The following SDHB variants were observed in gnomAD, a reference collection of about 807,000 sequenced individuals.
SDHB encodes succinate dehydrogenase [ubiquinone] iron-sulfur subunit, mitochondrial.
SDHB carries 21 observed loss-of-function variants against 39.7 expected under a neutral mutation model. The ratio of observed to expected loss-of-function variants is 0.53; its 90% confidence interval spans 0.37 to 0.76. SDHB has a LOEUF of 0.76. SDHB is among the 30% of genes least tolerant of loss of function. The probability of loss-of-function intolerance (pLI) is 0.00; values close to 1 mark genes in which losing one functional copy is unlikely to be tolerated. For missense variants in SDHB, 343 were observed against 350.9 expected (o/e 0.98, Z 0.18); for synonymous variants, 118 against 117.0 (o/e 1.01, Z -0.06).
chr1:17,045,955 C>T (rs1194372348), intron 1 of SDHB, among the ~76,000 whole-genome samples: 2 of 152,142 alleles, frequency 1.3e-5, no homozygotes, highest in African/African-American at 4.8e-5. Context: ...TCTATGCTTT[C>T]GTCTTCTGTT....
chr1:17,051,698 G>A (rs914800754), intron 1 of SDHB, among the ~76,000 whole-genome samples: 2 of 150,328 alleles, frequency 1.3e-5, no homozygotes, highest in African/African-American at 2.5e-5. Flanking sequence ...TAACCCGGGG[G>A]AGGGGGGGTC....
chr1:17,030,596 A>G (rs148643364), intron 3 of SDHB, among the ~76,000 whole-genome samples: 274 of 152,274 alleles, frequency 1.8e-3, no homozygotes, highest in African/African-American at 6.4e-3. Flanking sequence ...TATGTACTCT[A>G]AACCTCTAGT....
intron 1 of SDHB, among the ~76,000 whole-genome samples, chr1:17,052,640 G>A (rs2078155234): frequency 1.3e-5 from 2 of 152,330 alleles, no homozygotes; most frequent in South Asian, 4.1e-4. Context: ...CTGAGAGGAT[G>A]TCAGCTTGAG....
chr1:17,027,052 G>A (rs1327667123), intron 5 of SDHB, among the ~76,000 whole-genome samples: 1 of 152,214 alleles, frequency 6.6e-6, no homozygotes, highest in Non-Finnish European at 1.5e-5. Context: ...CCTTGGCCCT[G>A]TGCAGACCTG....
At chr1:17,049,373 C>T (rs1235661429) in intron 1 of SDHB, among the ~76,000 whole-genome samples, 5 of 151,686 alleles carry the variant, frequency 3.3e-5, no homozygotes, top group African/African-American at 1.2e-4. Flanking sequence ...TCTTGGATCG[C>T]TGCAACCTCC....
Position 17,028,535 on chromosome 1 carries a change from C to A in SDHB, c.423+65G>T, listed in dbSNP as rs78924859. On this transcript the variant is annotated intron_variant, in intron 4 of 7. Transcript: ENST00000375499. ...AAATCCTGCCCTGAAAAACTAATAGCGTAACACACATAGCACTGCCCCCCA... is the reference window on the plus strand; with the variant it reads ...AAATCCTGCCCTGAAAAACTAATAGAGTAACACACATAGCACTGCCCCCCA... 1.9e-6 allele frequency: 3 copies of A among 1,559,160 alleles called. No homozygotes were observed. The African/African-American group carries it at 4.1e-5, about 21-fold the overall frequency.
chr1:17,045,105 T>G (rs1432932875), intron 1 of SDHB: 4 of 550,098 alleles, frequency 7.3e-6, no homozygotes, highest in Non-Finnish European at 1.3e-5. Flanking sequence ...GACACAGCAC[T>G]TAATACACAA....
chr1:17,042,442 C>T (rs1483468887), intron 2 of SDHB, among the ~76,000 whole-genome samples: 2 of 152,042 alleles, frequency 1.3e-5, no homozygotes, highest in African/African-American at 4.8e-5. Flanking sequence ...TGTGACAAAA[C>T]TGGAAGTAAA....
At chr1:17,048,105 T>C (rs1570960059) in intron 1 of SDHB, among the ~76,000 whole-genome samples, 1 of 152,208 alleles carries the variant, frequency 6.6e-6, no homozygotes, top group Admixed American at 6.5e-5. Flanking sequence ...ATCACTAACA[T>C]TGCCCTTTTA....
At chr1:17,044,325 ATTT>A (rs1234004492) in intron 2 of SDHB, among the ~76,000 whole-genome samples, 1 of 141,008 alleles carries the variant, frequency 7.1e-6, no homozygotes, top group Non-Finnish European at 1.6e-5. Context: ...TAACAACCTC[ATTT>A]TTTTTTTTTT....
chr1:17,028,680 G>A lies in SDHB; in HGVS notation c.343C>T (p.Arg115Ter), dbSNP rs751000085. The part of the protein sequence containing the change: ...INGGNTLACT[R>*]RIDTNLNKVS... ...TTATTGAGGTTGGTGTCAATCCTTC[G>A]GGTGCAAGCTAGAGTGTTGCCTCCA... Residue 115 changes from arginine (R) to a stop codon, truncating the protein, a stop_gained, in exon 4 of 8, where the codon CGA becomes TGA. Transcript: ENST00000375499. LOFTEE classifies it high-confidence loss of function. 1.2e-6 allele frequency: 2 copies of A among 1,614,078 alleles called. No individual in the cohort carries two copies. Among genetic ancestry groups the A allele is most frequent in the Non-Finnish European group, 1.7e-6 (2 of 1,179,970 alleles).
In SDHB at chr1:17,035,497, T is replaced by C. The variant is rs114931906; in HGVS notation, c.201-2352A>G. Reference sequence around the variant, plus strand: ...TGCCTGTTCTTGTCCTAGCATATTTTAAATGACAACAACATCTTTGTTTTT... The same window carrying C: ...TGCCTGTTCTTGTCCTAGCATATTTCAAATGACAACAACATCTTTGTTTTT... On this transcript the variant is annotated intron_variant, in intron 2 of 7. Coordinates refer to ENST00000375499, the MANE Select transcript of SDHB (RefSeq NM_003000.3). Among the ~76,000 whole-genome samples, 1,028 of 152,312 alleles carry C rather than the reference T, an allele frequency of 6.7e-3. 10 individuals are homozygous for C. The highest frequency in any genetic ancestry group is 0.011 in the Non-Finnish European group (734 of 68,016).
intron 2 of SDHB, among the ~76,000 whole-genome samples, chr1:17,033,730 C>T (rs902166808): frequency 6.6e-6 from 1 of 152,230 alleles, no homozygotes; most frequent in Non-Finnish European, 1.5e-5. Context: ...AGCCACTTAC[C>T]AGCTTGCAGG....
chr1:17,031,623 A>C (rs549546704), intron 3 of SDHB, among the ~76,000 whole-genome samples: 2 of 152,350 alleles, frequency 1.3e-5, no homozygotes, highest in African/African-American at 4.8e-5. Context: ...TTGCAACGCT[A>C]AATAAGATTA....
chr1:17,025,018 G>C (rs2077984096), intron 5 of SDHB, among the ~76,000 whole-genome samples: 1 of 152,154 alleles, frequency 6.6e-6, no homozygotes, highest in Non-Finnish European at 1.5e-5. Flanking sequence ...AGAGCCTTAA[G>C]AATAGTCATA....
At chr1:17,032,332 C>T (rs995589851) in intron 3 of SDHB, among the ~76,000 whole-genome samples, 3 of 136,128 alleles carry the variant, frequency 2.2e-5, no homozygotes, top group African/African-American at 6.6e-5. Flanking sequence ...GGATTACAGG[C>T]GTCCGCTATC....
At chr1:17,033,604 A>G (rs545574421) in intron 2 of SDHB, among the ~76,000 whole-genome samples, 1 of 152,342 alleles carries the variant, frequency 6.6e-6, no homozygotes, top group African/African-American at 2.4e-5. Flanking sequence ...CAGTCAAATC[A>G]CTGTGAGCCT....
At chr1:17,042,800 C>T (rs1433650427) in intron 2 of SDHB, among the ~76,000 whole-genome samples, 1 of 151,702 alleles carries the variant, frequency 6.6e-6, no homozygotes, top group Admixed American at 6.6e-5. Context: ...TTAACTCTTC[C>T]AGTTTTAGCC....
intron 3 of SDHB, chr1:17,032,659 G>A (rs2078029820): frequency 3.2e-6 from 1 of 311,300 alleles, no homozygotes; most frequent in Non-Finnish European, 6.3e-6. Context: ...GACATGTCAT[G>A]CTGGGAGCTG....
Sources: allele counts gnomAD v4.1 joint callset (sites outside exome capture counted in the v4.1 genomes callset), GRCh38; gene constraint gnomAD v4.1.1; transcripts MANE v1.5; gene names NCBI Gene and HGNC (gene_info 2026-07-23, HGNC 2026-07-21).